SULF2: variants seen among roughly 807,000 people sequenced by gnomAD.
SULF2 encodes the protein extracellular sulfatase Sulf-2.
SULF2 carries 52 observed loss-of-function variants against 107.7 expected under a neutral mutation model. The observed-to-expected ratio is 0.48, with a 90% confidence interval of 0.39 to 0.61. The LOEUF (loss-of-function observed/expected upper bound fraction) is 0.61, where lower values mean the gene tolerates loss of function less well. Among genes scored for constraint, SULF2 ranks in the 20% least tolerant of loss-of-function variants. SULF2 has a pLI of 0.00. For synonymous variants in SULF2, 460 were observed against 464.3 expected (o/e 0.99, Z 0.12); for missense variants, 993 against 1,177.3 (o/e 0.84, Z 2.29).
chr20:47,672,446 G>T, intron 10 of SULF2, 53 bp from the exon 11 acceptor site: 1 of 1,502,032 alleles, frequency 6.7e-7, no homozygotes. Context: ...CCCTAAACCC[G>T]CCTCTCCCCT....
intron 3 of SULF2, among the ~76,000 whole-genome samples, chr20:47,721,669 C>G (rs11906398): frequency 0.13 from 20,424 of 152,268 alleles, 1,825 homozygotes; most frequent in Middle Eastern, 0.25. Flanking sequence ...TGCGCCCGGC[C>G]TGCATGTGGG....
At chr20:47,745,854 C>T (rs2090023532) in intron 2 of SULF2, among the ~76,000 whole-genome samples, 1 of 152,136 alleles carries the variant, frequency 6.6e-6, no homozygotes, top group Non-Finnish European at 1.5e-5. Flanking sequence ...CAACAAGTAT[C>T]GTCTCACGCG....
At chr20:47,663,026 G>A (rs371952621) in intron 17 of SULF2, 44 bp downstream of exon 17, 3 of 1,612,194 alleles carry the variant, frequency 1.9e-6, no homozygotes, top group Non-Finnish European at 2.5e-6. Flanking sequence ...TGGCAGCACT[G>A]GTGTACCCCA....
chr20:47,722,540 G>A (rs892993057), intron 3 of SULF2, among the ~76,000 whole-genome samples: 9 of 152,044 alleles, frequency 5.9e-5, no homozygotes, highest in African/African-American at 1.2e-4. Flanking sequence ...GGGATTACAC[G>A]TGTGAGCCAC....
At chr20:47,712,992 G>T (rs543161812) in intron 3 of SULF2, among the ~76,000 whole-genome samples, 1 of 152,124 alleles carries the variant, frequency 6.6e-6, no homozygotes, top group Admixed American at 6.5e-5. Flanking sequence ...AGTGGACCAA[G>T]ATCCTGCCAC....
intron 2 of SULF2, among the ~76,000 whole-genome samples, chr20:47,752,922 G>A (rs1280128265): frequency 1.3e-5 from 2 of 151,892 alleles, no homozygotes; most frequent in Non-Finnish European, 2.9e-5. Flanking sequence ...CCAACATGGC[G>A]AAACCCTGAA....
chr20:47,784,989 C>T (rs552964060), intron 1 of SULF2, among the ~76,000 whole-genome samples: 2 of 152,170 alleles, frequency 1.3e-5, no homozygotes, highest in African/African-American at 2.4e-5. Context: ...TCAACAAGGC[C>T]ATGCCCCTGC....
At chr20:47,728,219 G>A (rs79165309) in intron 3 of SULF2, among the ~76,000 whole-genome samples, 2,356 of 152,156 alleles carry the variant, frequency 0.015, 57 homozygotes, top group African/African-American at 0.054. Context: ...CTGTGTGTGT[G>A]CGTGCGTGCG....
intron 1 of SULF2, among the ~76,000 whole-genome samples, chr20:47,763,690 C>T (rs1454355295): frequency 6.6e-6 from 1 of 152,244 alleles, no homozygotes; most frequent in African/African-American, 2.4e-5. Flanking sequence ...ATTTCTCTCT[C>T]TTCCTTCTTT....
intron 2 of SULF2, among the ~76,000 whole-genome samples, chr20:47,747,380 C>T (rs1425945908): frequency 1.3e-5 from 2 of 152,044 alleles, no homozygotes; most frequent in South Asian, 2.1e-4. Flanking sequence ...ATTTTTTCTC[C>T]GTTGCTTTCT....
chr20:47,674,105 C>A (rs2087563184), intron 10 of SULF2, among the ~76,000 whole-genome samples: 1 of 152,212 alleles, frequency 6.6e-6, no homozygotes, highest in African/African-American at 2.4e-5. Flanking sequence ...TGTACGTTTT[C>A]AGAGTTGTAA....
chr20:47,780,880 G>A lies in SULF2; in HGVS notation c.-101+4463C>T, dbSNP rs1600702153. On this transcript the variant is annotated intron_variant, in intron 1 of 20. Transcript: ENST00000688720. The stretch of plus-strand genomic sequence containing the variant: ...AGAGCATTTTCCCCGCCTTCTGACA[G>A]CCCCTGCATTAGGCAGGAAGACAAA... 3.9e-5 allele frequency among the ~76,000 whole-genome samples: 6 copies of A among 152,288 alleles called. 1 individual carries two copies. Among genetic ancestry groups the A allele is most frequent in the Admixed American group, 3.9e-4 (6 of 15,294 alleles).
At chr20:47,731,721 C>T (rs66806308) in intron 3 of SULF2, among the ~76,000 whole-genome samples, 21,236 of 152,252 alleles carry the variant, frequency 0.14, 2,009 homozygotes, top group Non-Finnish European at 0.22. Context: ...AGGAGATGTC[C>T]ATTTTCAGCT....
chr20:47,753,661 C>T (rs2059738246), intron 2 of SULF2, among the ~76,000 whole-genome samples: 2 of 152,212 alleles, frequency 1.3e-5, no homozygotes, highest in Non-Finnish European at 2.9e-5. Context: ...AAAAATAAGT[C>T]CAGTTAAAGA....
At position 47,712,245 on chromosome 20, in the gene SULF2, C is replaced by T. The variant is rs148441299; in HGVS notation, c.416-9575G>A. Among the ~76,000 whole-genome samples the T allele has an allele frequency of 6.4e-4, 98 of 152,304 alleles. 1 individual carries two copies. The East Asian group carries it at 0.012, about 19-fold the overall frequency. On this transcript the variant is annotated intron_variant, in intron 3 of 20. Transcript: ENST00000688720. ...CCATCAGGCCGTCTCCCTTCAGGGACGCACTGCTGAGCTCACTCTGTTTCA... is the reference window on the plus strand; with the variant it reads ...CCATCAGGCCGTCTCCCTTCAGGGATGCACTGCTGAGCTCACTCTGTTTCA...
At chr20:47,755,022 C>CG (rs11086225) in intron 2 of SULF2, among the ~76,000 whole-genome samples, 5,763 of 151,772 alleles carry the variant, frequency 0.038, 135 homozygotes, top group Non-Finnish European at 0.054. Flanking sequence ...TTTGTTAAGA[C>CG]GGGGGGGGTC....
At position 47,745,393 on chromosome 20, in the gene SULF2, AAAAAAAAAAAAAAAAAAAT is replaced by A. The variant is rs1347860582; in HGVS notation, c.176-8470_176-8452del. 1.6e-3 allele frequency among the ~76,000 whole-genome samples: 26 copies of A among 16,732 alleles called. 1 individual carries two copies. Among genetic ancestry groups the A allele is most frequent in the African/African-American group, 4.2e-3 (6 of 1,438 alleles). The allele number at this position is 16,732 out of a possible 152,430, so 11.0% of individuals were successfully genotyped here. On this transcript the variant is annotated intron_variant, in intron 2 of 20. Coordinates refer to ENST00000688720, the MANE Select transcript of SULF2 (RefSeq NM_001387048.1). Reference sequence around the variant, plus strand: ...TCTGAGTTTTGAGGGAAAAAAAAAAAAAAAAAAAAAAAAAAAAATATATATATATATATATATATATATA... The same window carrying A: ...TCTGAGTTTTGAGGGAAAAAAAAAAAATATATATATATATATATATATATA...
chr20:47,737,403 G>A (rs965628337), intron 2 of SULF2, among the ~76,000 whole-genome samples: 2 of 152,212 alleles, frequency 1.3e-5, no homozygotes, highest in African/African-American at 4.8e-5. Flanking sequence ...TAAATTGAGG[G>A]AAGATTATAC....
intron 3 of SULF2, among the ~76,000 whole-genome samples, chr20:47,733,064 C>CA (rs1334313472): frequency 6.6e-6 from 1 of 152,120 alleles, no homozygotes; most frequent in East Asian, 1.9e-4. Context: ...AAGATCACTG[C>CA]AAAATGAAAT....
Sources: allele counts gnomAD v4.1 joint callset (sites outside exome capture counted in the v4.1 genomes callset), GRCh38; gene constraint gnomAD v4.1.1; transcripts MANE v1.5; gene names NCBI Gene and HGNC (gene_info 2026-07-23, HGNC 2026-07-21).